Variants in WDPCP observed in about 807,000 individuals in gnomAD.
The protein encoded by WDPCP is WD repeat containing planar cell polarity effector.
A neutral mutation model predicts 93.1 loss-of-function variants in WDPCP; 71 were observed. The observed-to-expected ratio is 0.76, with a 90% CI of 0.63 to 0.93. The LOEUF is 0.93. WDPCP is among the 40% of genes least tolerant of loss of function. WDPCP has a pLI of 0.00. For missense variants in WDPCP, 844 were observed against 887.4 expected, an observed-to-expected ratio of 0.95 and a Z score of 0.62; for synonymous variants, 315 against 315.0, an observed-to-expected ratio of 1.00 and a Z score of 0.00.
chr2:63,393,392 G>T (rs1346951864), intron 10 of WDPCP, among the ~76,000 whole-genome samples: 3 of 152,028 alleles, frequency 2.0e-5, no homozygotes, highest in South Asian at 2.1e-4. Flanking sequence ...TCAGCGGGTG[G>T]GGGGCTAGGG....
chr2:63,462,097 AC>A (rs1381749691), intron 6 of WDPCP, among the ~76,000 whole-genome samples: 1 of 152,198 alleles, frequency 6.6e-6, no homozygotes, highest in Non-Finnish European at 1.5e-5. Context: ...CTTGGAACCA[AC>A]CCAAATGTCC....
At chr2:63,226,667 A>AGTAATCTCTCT (rs1452215350) in intron 14 of WDPCP, among the ~76,000 whole-genome samples, 1 of 151,946 alleles carries the variant, frequency 6.6e-6, no homozygotes, top group African/African-American at 2.4e-5. Flanking sequence ...ATAATGGAAG[A>AGTAATCTCTCT]GTAATCTCTC....
rs67091232 is a variant in WDPCP at position 63,127,662 on chromosome 2, C to CATATATATAT, written c.2191-5616_2191-5607dup. On this transcript the variant is annotated intron_variant, in intron 17 of 17. Coordinates refer to ENST00000272321, the MANE Select transcript of WDPCP (RefSeq NM_015910.7). The stretch of plus-strand genomic sequence containing the variant: ...TGTAAATACCGTGTATGTGTATGTG[C>CATATATATAT]ATATATATATATATATATATATATA... Among the ~76,000 whole-genome samples, 694 of 131,636 alleles carry CATATATATAT rather than the reference C, an allele frequency of 5.3e-3. 2 individuals are homozygous for CATATATATAT. The highest frequency in any genetic ancestry group is 7.4e-3 in the Admixed American group (96 of 12,962). 86.4% of individuals were successfully genotyped at this position (131,636 alleles called of 152,430 possible). A position where few individuals can be genotyped will look rare whatever the true frequency, so the allele number is the denominator to read the frequency against.
chr2:63,564,335 G>C lies in WDPCP; in HGVS notation c.75+23862C>G, dbSNP rs1157491126. On this transcript the variant is annotated intron_variant, in intron 1 of 17. Transcript: ENST00000272321. ...TTAGAATTCTGTAACCTGTGGTTTTGGAATATTCAATTCAGCAAATGTGCA... is the reference window on the plus strand; with the variant it reads ...TTAGAATTCTGTAACCTGTGGTTTTCGAATATTCAATTCAGCAAATGTGCA... 2.0e-5 allele frequency: 3 copies of C among 152,114 alleles called. No individual in the cohort carries two copies. In the East Asian group the frequency reaches 5.8e-4, roughly 29 times the overall value. 9.4% of individuals were successfully genotyped at this position (152,114 alleles called of 1,614,324 possible).
chr2:63,524,761 T>C (rs1443074398), intron 1 of WDPCP, among the ~76,000 whole-genome samples: 1 of 152,142 alleles, frequency 6.6e-6, no homozygotes, highest in African/African-American at 2.4e-5. Flanking sequence ...TGGGATCTAA[T>C]TAAACTAAAG....
At chr2:63,150,050 A>G (rs756065981) in intron 17 of WDPCP, among the ~76,000 whole-genome samples, 4 of 152,188 alleles carry the variant, frequency 2.6e-5, no homozygotes, top group Non-Finnish European at 4.4e-5. Context: ...TGGGAAAACC[A>G]TAAAGACAAG....
intron 6 of WDPCP, among the ~76,000 whole-genome samples, chr2:63,455,721 C>T (rs963044463): frequency 6.6e-6 from 1 of 152,092 alleles, no homozygotes; most frequent in Admixed American, 6.5e-5. Flanking sequence ...CAGACTCCAA[C>T]ACAATAATAG....
chr2:63,746,145 G>A (rs1288246056), intron 2 of WDPCP, among the ~76,000 whole-genome samples: 5 of 152,130 alleles, frequency 3.3e-5, no homozygotes, highest in African/African-American at 1.2e-4. Context: ...ACATTTATTA[G>A]TTCCCCAAAT....
At chr2:63,658,915 C>G (rs902784987) in intron 2 of WDPCP, among the ~76,000 whole-genome samples, 2 of 152,156 alleles carry the variant, frequency 1.3e-5, no homozygotes, top group Admixed American at 6.6e-5. Context: ...TGATCTAGGA[C>G]TTTCGTCGTC....
intron 15 of WDPCP, among the ~76,000 whole-genome samples, chr2:63,161,361 A>T (rs187924766): frequency 6.6e-6 from 1 of 152,290 alleles, no homozygotes; most frequent in Non-Finnish European, 1.5e-5. Flanking sequence ...GAAAGTCTGA[A>T]TTTCTTAACC....
intron 10 of WDPCP, among the ~76,000 whole-genome samples, chr2:63,384,133 G>C: frequency 6.6e-6 from 1 of 152,132 alleles, no homozygotes; most frequent in South Asian, 2.1e-4. Flanking sequence ...ATTTTTAATT[G>C]AATTAAAGTA....
At chr2:63,754,880 C>T (rs1277266963) in intron 2 of WDPCP, among the ~76,000 whole-genome samples, 5 of 152,108 alleles carry the variant, frequency 3.3e-5, no homozygotes, top group Admixed American at 6.5e-5. Flanking sequence ...AATTTGGACC[C>T]AATTTCTTAG....
chr2:63,506,184 G>A (rs1314164231), intron 1 of WDPCP, among the ~76,000 whole-genome samples: 2 of 152,006 alleles, frequency 1.3e-5, no homozygotes, highest in Non-Finnish European at 2.9e-5. Flanking sequence ...TAATCAAGGT[G>A]TACATTTAAT....
chr2:63,595,263 G>C (rs1468531699), intron 3 of WDPCP, among the ~76,000 whole-genome samples: 1 of 152,084 alleles, frequency 6.6e-6, no homozygotes, highest in East Asian at 1.9e-4. Flanking sequence ...CTTTCTGAAA[G>C]TGGCATAGTG....
At chr2:63,390,470 C>A (rs1693142074) in intron 10 of WDPCP, among the ~76,000 whole-genome samples, 1 of 151,974 alleles carries the variant, frequency 6.6e-6, no homozygotes, top group Non-Finnish European at 1.5e-5. Flanking sequence ...AATTGACACC[C>A]TAACATCACA....
At chr2:63,768,210 T>G (rs960305849) in intron 2 of WDPCP, among the ~76,000 whole-genome samples, 13 of 152,128 alleles carry the variant, frequency 8.5e-5, no homozygotes, top group African/African-American at 2.9e-4. Flanking sequence ...TTTGTACTTT[T>G]GTTAAAAATC....
intron 14 of WDPCP, among the ~76,000 whole-genome samples, chr2:63,180,556 ATAC>A (rs2104081432): frequency 6.6e-6 from 1 of 152,294 alleles, no homozygotes; most frequent in Non-Finnish European, 1.5e-5. Flanking sequence ...TTGCACATAT[ATAC>A]TACATTTTCT....
intron 2 of WDPCP, among the ~76,000 whole-genome samples, chr2:63,781,996 T>C (rs964181546): frequency 2.0e-5 from 3 of 151,756 alleles, no homozygotes; most frequent in African/African-American, 7.2e-5. Context: ...GCAGAGAGAA[T>C]TGGGTAGCCC....
chr2:63,123,688 C>A (rs887005388), intron 17 of WDPCP, among the ~76,000 whole-genome samples: 6 of 151,876 alleles, frequency 4.0e-5, no homozygotes, highest in Non-Finnish European at 8.8e-5. Flanking sequence ...ATTTTACATT[C>A]AAGTTTTTAA....
Sources: allele counts gnomAD v4.1 joint callset (sites outside exome capture counted in the v4.1 genomes callset), GRCh38; gene constraint gnomAD v4.1.1; transcripts MANE v1.5; gene names NCBI Gene and HGNC (gene_info 2026-07-23, HGNC 2026-07-21).